The following ATP9A variants were observed in gnomAD, a reference collection of about 807,000 sequenced individuals.
The protein encoded by ATP9A is ATPase phospholipid transporting 9A.
ATP9A carries 52 observed loss-of-function variants against 144.1 expected under a neutral mutation model. The observed-to-expected ratio is 0.36, with a 90% CI of 0.29 to 0.45. ATP9A has a LOEUF of 0.45. ATP9A is among the 20% of genes least tolerant of loss of function. The pLI, the probability that ATP9A is intolerant of heterozygous loss-of-function variation, is 1.00. For synonymous variants in ATP9A, 582 were observed against 557.4 expected (o/e 1.04, Z -0.62); for missense variants, 947 against 1,392.7 (o/e 0.68, Z 5.09).
intron 22 of ATP9A, among the ~76,000 whole-genome samples, chr20:51,616,829 T>C (rs1484590722): frequency 1.3e-5 from 2 of 152,122 alleles, no homozygotes; most frequent in Non-Finnish European, 2.9e-5. Context: ...CACTCTTCCA[T>C]AGCGCCCAAG....
intron 25 of ATP9A, 109 bp downstream of exon 25, chr20:51,608,409 T>C: frequency 1.3e-6 from 1 of 764,184 alleles, no homozygotes; most frequent in African/African-American, 1.7e-5. Flanking sequence ...CAAATCAGAA[T>C]TGGAGGGTCT....
chr20:51,619,094 G>T, intron 19 of ATP9A, 51 bp from the exon 20 acceptor site: 1 of 1,532,708 alleles, frequency 6.5e-7, no homozygotes, highest in South Asian at 1.1e-5. Context: ...GGACATGATA[G>T]AACAACAAAC....
chr20:51,693,277 G>T (rs545438303), intron 7 of ATP9A, among the ~76,000 whole-genome samples: 1 of 152,318 alleles, frequency 6.6e-6, no homozygotes, highest in South Asian at 2.1e-4. Context: ...TCAGTGGAGT[G>T]CGGAGATGCC....
At chr20:51,651,527 A>G (rs1229247708) in intron 14 of ATP9A, among the ~76,000 whole-genome samples, 4 of 151,586 alleles carry the variant, frequency 2.6e-5, no homozygotes, top group Non-Finnish European at 5.9e-5. Flanking sequence ...GAACATAAAC[A>G]GTAGTAGTTA....
chr20:51,648,842 G>A (rs1160145035), intron 14 of ATP9A, among the ~76,000 whole-genome samples: 1 of 152,028 alleles, frequency 6.6e-6, no homozygotes, highest in Non-Finnish European at 1.5e-5. Flanking sequence ...AAAAAAATAA[G>A]CAAAACACAT....
rs117579697 is a variant in ATP9A, at chr20:51,730,156, G to A, written c.69-178C>T. 4.0e-4 allele frequency among the ~76,000 whole-genome samples: 61 copies of A among 152,290 alleles called. 2 individuals are homozygous for A. The East Asian group carries it at 0.011, about 28-fold the overall frequency. ...AAAACAGAGCAGAAGCTCCCACGAA[G>A]CTGTGGTCCAAATAAAAGATGCTTT... On this transcript the variant is annotated intron_variant, in intron 1 of 27. Coordinates refer to ENST00000338821, the MANE Select transcript of ATP9A (RefSeq NM_006045.3).
chr20:51,650,977 C>CT (rs1568803261), intron 14 of ATP9A, among the ~76,000 whole-genome samples: 1 of 139,918 alleles, frequency 7.1e-6, no homozygotes, highest in South Asian at 2.3e-4. Flanking sequence ...ATATGACTTT[C>CT]TTTTTTTTAA....
chr20:51,608,371 G>A (rs2077172025), intron 25 of ATP9A, 147 bp downstream of exon 25: 1 of 624,166 alleles, frequency 1.6e-6, no homozygotes, highest in East Asian at 2.7e-5. Context: ...CCCCCCAAAA[G>A]TAAAAAAGCT....
In ATP9A at chr20:51,622,260, G is replaced by C. The variant is rs528276197; in HGVS notation, c.2017-88C>G. 2.8e-6 allele frequency: 3 copies of C among 1,056,344 alleles called. 1 individual carries two copies. In the South Asian group the frequency reaches 4.0e-5, roughly 14 times the overall value. The allele number at this position is 1,056,344 out of a possible 1,614,324, so 65.4% of individuals were successfully genotyped here. A position where few individuals can be genotyped will look rare whatever the true frequency, so the allele number is the denominator to read the frequency against. On this transcript the variant is annotated intron_variant, in intron 18 of 27. Coordinates refer to ENST00000338821, the MANE Select transcript of ATP9A (RefSeq NM_006045.3). The stretch of plus-strand genomic sequence containing the variant: ...ACAGCTGAGTTTCCAACAACATGGA[G>C]CTGAACTTGGTATGTTCCGTTTACC...
intron 11 of ATP9A, 99 bp from the exon 12 acceptor site, chr20:51,671,356 C>A: frequency 7.2e-7 from 1 of 1,381,236 alleles, no homozygotes; most frequent in Non-Finnish European, 1.0e-6. Context: ...CCATCGCATC[C>A]GGACTCACTC....
chr20:51,763,287 G>T (rs1056750826), intron 1 of ATP9A, among the ~76,000 whole-genome samples: 2 of 148,958 alleles, frequency 1.3e-5, no homozygotes, highest in African/African-American at 5.0e-5. Flanking sequence ...CATACACCTG[G>T]TTTTTTTTTA....
rs1223827325 is a variant in ATP9A, at chr20:51,763,284, CTGGTTT to C, written c.68+5012_68+5017del. On this transcript the variant is annotated intron_variant, in intron 1 of 27. Transcript: ENST00000338821. ...GTGATGGTTGCATAACTCCATACAC[CTGGTTT>C]TTTTTTAATCAATGGTTTACATACT... 8.0e-5 allele frequency among the ~76,000 whole-genome samples: 12 copies of C among 150,630 alleles called. No individual in the cohort carries two copies. The East Asian group carries it at 2.3e-3, about 29-fold the overall frequency.
chr20:51,676,834 T>C lies in ATP9A; in HGVS notation c.800-626A>G, dbSNP rs139719319. 4.4e-3 allele frequency among the ~76,000 whole-genome samples: 674 copies of C among 152,052 alleles called. 7 individuals are homozygous for C. Among genetic ancestry groups the C allele is most frequent in the African/African-American group, 0.015 (635 of 41,464 alleles). On this transcript the variant is annotated intron_variant, in intron 9 of 27. Coordinates refer to ENST00000338821, the MANE Select transcript of ATP9A (RefSeq NM_006045.3). ...TTTCACCACGTTGGCCAGGCTGGTC[T>C]TGAACTCCTGACTTCAACTGATCCA...
chr20:51,613,127 T>G (rs1438518509), intron 23 of ATP9A, among the ~76,000 whole-genome samples: 2 of 152,156 alleles, frequency 1.3e-5, no homozygotes, highest in Admixed American at 6.5e-5. Flanking sequence ...GAGGCTTATG[T>G]GAGACACTGC....
At chr20:51,692,878 T>C (rs1197841884) in intron 7 of ATP9A, among the ~76,000 whole-genome samples, 3 of 152,166 alleles carry the variant, frequency 2.0e-5, no homozygotes, top group Admixed American at 6.6e-5. Flanking sequence ...CTTTTTATTA[T>C]CCATGAAAAA....
Position 51,601,746 on chromosome 20 carries a change from AAAT to A in ATP9A, c.3008-402_3008-400del, listed in dbSNP as rs552811659. On this transcript the variant is annotated intron_variant, in intron 27 of 27. Transcript: ENST00000338821. ...CACAGCAAAACCCTGTCTCTACAAA[AAAT>A]ACAAAAACTAGCCAGGCATGGTGGT... Among the ~76,000 whole-genome samples, 370 of 152,236 alleles carry A rather than the reference AAAT, an allele frequency of 2.4e-3. 4 individuals are homozygous for A. The highest frequency in any genetic ancestry group is 5.2e-3 in the East Asian group (27 of 5,178).
At position 51,629,318 on chromosome 20, in the gene ATP9A, CT is replaced by C. The variant is rs775926166; in HGVS notation, c.1669-247del. The stretch of plus-strand genomic sequence containing the variant: ...AAGAAAGATCAAATGGATTTAAGAC[CT>C]TTGTTTTGAAAGTTATTACTATTTC... On this transcript the variant is annotated intron_variant, in intron 15 of 27. Coordinates refer to ENST00000338821, the MANE Select transcript of ATP9A (RefSeq NM_006045.3). Among the ~76,000 whole-genome samples, 6 of 152,292 alleles carry C rather than the reference CT, an allele frequency of 3.9e-5. No homozygotes were observed. In the East Asian group the frequency reaches 1.2e-3, roughly 29 times the overall value.
At chr20:51,687,293 C>T (rs1223373313) in intron 9 of ATP9A, among the ~76,000 whole-genome samples, 1 of 152,084 alleles carries the variant, frequency 6.6e-6, no homozygotes, top group Non-Finnish European at 1.5e-5. Flanking sequence ...AAAATAAAGG[C>T]AGGCAGTGGA....
intron 2 of ATP9A, among the ~76,000 whole-genome samples, chr20:51,727,802 G>C (rs181710185): frequency 5.6e-4 from 85 of 151,644 alleles, no homozygotes; most frequent in African/African-American, 1.9e-3. Context: ...ATGGGAGCAC[G>C]TGCCTGTAAT....
Sources: allele counts gnomAD v4.1 joint callset (sites outside exome capture counted in the v4.1 genomes callset), GRCh38; gene constraint gnomAD v4.1.1; transcripts MANE v1.5; gene names NCBI Gene and HGNC (gene_info 2026-07-23, HGNC 2026-07-21).